Variants in PCDH15 observed in about 807,000 individuals in gnomAD.
PCDH15 encodes protocadherin related 15, also known as protocadherin-15.
Under a neutral mutation model 178.5 loss-of-function variants are expected in PCDH15, and 129 were observed. The ratio of observed to expected loss-of-function variants is 0.72; its 90% CI spans 0.63 to 0.84. The LOEUF (loss-of-function observed/expected upper bound fraction) is 0.84. PCDH15 is among the 40% of genes least tolerant of loss of function. The pLI is 0.00. For synonymous variants in PCDH15, 800 were observed against 732.0 expected, an observed-to-expected ratio of 1.09 and a Z score of -1.50; for missense variants, 2,230 against 2,099.9, an observed-to-expected ratio of 1.06 and a Z score of -1.21.
chr10:54,841,510 C>A (rs1437667197), intron 3 of PCDH15, among the ~76,000 whole-genome samples: 2 of 151,512 alleles, frequency 1.3e-5, no homozygotes, highest in African/African-American at 2.4e-5. Flanking sequence ...GAAAAAAAAT[C>A]TTTTCAGGCC....
chr10:55,115,588 C>T (rs1369749997), intron 2 of PCDH15, among the ~76,000 whole-genome samples: 1 of 152,122 alleles, frequency 6.6e-6, no homozygotes, highest in Admixed American at 6.5e-5. Context: ...GAGGTTCCTG[C>T]TCCTTGGAGA....
At chr10:55,250,528 T>C (rs903704524) in intron 1 of PCDH15, among the ~76,000 whole-genome samples, 2 of 142,284 alleles carry the variant, frequency 1.4e-5, no homozygotes, top group African/African-American at 5.2e-5. Context: ...GAAATTTAAA[T>C]AAATTCTTTT....
chr10:54,067,792 G>A (rs543623911), intron 17 of PCDH15, among the ~76,000 whole-genome samples: 16 of 152,186 alleles, frequency 1.1e-4, no homozygotes, highest in African/African-American at 3.1e-4. Context: ...AAAAAGCAAG[G>A]TGATACTGTC....
chr10:53,997,430 C>G (rs2091907599), intron 20 of PCDH15, among the ~76,000 whole-genome samples: 1 of 152,080 alleles, frequency 6.6e-6, no homozygotes, highest in African/African-American at 2.4e-5. Context: ...TCCTTTAGCA[C>G]CCCTAAATTG....
At chr10:54,320,259 T>C (rs767414328) in intron 7 of PCDH15, among the ~76,000 whole-genome samples, 7 of 152,068 alleles carry the variant, frequency 4.6e-5, no homozygotes, top group Non-Finnish European at 7.4e-5. Context: ...AAATCTATTC[T>C]TACCTACATA....
chr10:54,004,426 C>CACACA (rs35001487), intron 20 of PCDH15, among the ~76,000 whole-genome samples: 8,076 of 96,804 alleles, frequency 0.083, 432 homozygotes, highest in East Asian at 0.14. Context: ...CACACACACA[C>CACACA]CACACAAAGT....
At chr10:55,280,979 A>G (rs1271221567) in intron 1 of PCDH15, among the ~76,000 whole-genome samples, 8 of 152,254 alleles carry the variant, frequency 5.3e-5, no homozygotes, top group Non-Finnish European at 1.2e-4. Flanking sequence ...TAACTTATCC[A>G]TAATAGGCTG....
chr10:54,062,670 T>C (rs1214308090), intron 18 of PCDH15, among the ~76,000 whole-genome samples: 1 of 151,788 alleles, frequency 6.6e-6, no homozygotes, highest in African/African-American at 2.4e-5. Flanking sequence ...TTTTAAAAAC[T>C]GAAATAAATT....
At chr10:54,312,219 A>G (rs1337420804) in intron 8 of PCDH15, among the ~76,000 whole-genome samples, 1 of 152,142 alleles carries the variant, frequency 6.6e-6, no homozygotes, top group Non-Finnish European at 1.5e-5. Flanking sequence ...CAAAAAGAAT[A>G]AAAGTACAGA....
At chr10:54,006,061 C>T (rs986322396) in intron 20 of PCDH15, among the ~76,000 whole-genome samples, 3 of 151,954 alleles carry the variant, frequency 2.0e-5, no homozygotes, top group African/African-American at 7.3e-5. Context: ...CTGGTGTCTC[C>T]CAGAAACCAG....
intron 1 of PCDH15, among the ~76,000 whole-genome samples, chr10:54,736,426 A>C (rs1161444613): frequency 6.6e-6 from 1 of 152,012 alleles, no homozygotes; most frequent in Non-Finnish European, 1.5e-5. Flanking sequence ...CGCAGCCCTC[A>C]GTATTTATAA....
chr10:54,714,241 A>G (rs1591224836), intron 1 of PCDH15, among the ~76,000 whole-genome samples: 1 of 152,154 alleles, frequency 6.6e-6, no homozygotes. Context: ...TGAACTGTCT[A>G]TCGCAAACAT....
rs78521134 is a variant in PCDH15 at position 53,995,543 on chromosome 10, T to C, written c.2868+106A>G. 10,639 of 1,600,864 alleles carry C rather than the reference T, an allele frequency of 6.6e-3. 66 individuals carry two copies. The highest frequency in any genetic ancestry group is 0.019 in the South Asian group (1,721 of 90,278). ...ACATAAAATGTATGAATAAATAGGG[T>C]GAAATTTACAGAGACTACTTTTGCT... On this transcript the variant is annotated intron_variant, in intron 21 of 37. Transcript: ENST00000644397.
chr10:54,957,037 T>G (rs1838508602), intron 2 of PCDH15, among the ~76,000 whole-genome samples: 1 of 151,614 alleles, frequency 6.6e-6, no homozygotes, highest in African/African-American at 2.4e-5. Flanking sequence ...CTGTACTGAG[T>G]TATAAGACTG....
intron 23 of PCDH15, among the ~76,000 whole-genome samples, chr10:53,956,270 A>G (rs556433549): frequency 6.6e-6 from 1 of 152,228 alleles, no homozygotes; most frequent in South Asian, 2.1e-4. Flanking sequence ...TCCCTAGTTA[A>G]TAAGGAGAGG....
chr10:53,818,226 C>G, intron 33 of PCDH15: 1 of 365,276 alleles, frequency 2.7e-6, no homozygotes, highest in Non-Finnish European at 4.9e-6. Context: ...AATGATCAAC[C>G]CAGAGCCTCG....
intron 26 of PCDH15, among the ~76,000 whole-genome samples, chr10:53,887,203 A>G (rs747458133): frequency 2.6e-5 from 4 of 152,152 alleles, no homozygotes; most frequent in African/African-American, 9.7e-5. Flanking sequence ...TACCACCTGT[A>G]ATATAGTATT....
chr10:54,384,018 G>A (rs1447154544), intron 3 of PCDH15, among the ~76,000 whole-genome samples: 1 of 142,174 alleles, frequency 7.0e-6, no homozygotes, highest in Non-Finnish European at 1.5e-5. Flanking sequence ...TTTTTTAGTG[G>A]AGATGGGGTT....
At chr10:54,816,181 C>A (rs1056750866) in intron 3 of PCDH15, among the ~76,000 whole-genome samples, 1 of 151,904 alleles carries the variant, frequency 6.6e-6, no homozygotes, top group Non-Finnish European at 1.5e-5. Flanking sequence ...ATTCCAGGTA[C>A]CTATGAAAGT....
Sources: allele counts gnomAD v4.1 joint callset (sites outside exome capture counted in the v4.1 genomes callset), GRCh38; gene constraint gnomAD v4.1.1; transcripts MANE v1.5; gene names NCBI Gene and HGNC (gene_info 2026-07-23, HGNC 2026-07-21).